Variants in PIK3AP1 observed in about 807,000 individuals in gnomAD.
PIK3AP1 encodes phosphoinositide 3-kinase adapter protein 1.
Under a neutral mutation model 88.1 loss-of-function variants are expected in PIK3AP1, and 21 were observed. The ratio of observed to expected loss-of-function variants is 0.24; its 90% confidence interval spans 0.17 to 0.34. The LOEUF is 0.34. Ranked by LOEUF, PIK3AP1 falls within the 10% of genes least tolerant of loss-of-function variation. PIK3AP1 has a pLI of 1.00. For synonymous variants in PIK3AP1, 398 were observed against 400.0 expected, an observed-to-expected ratio of 1.00 and a Z score of 0.06; for missense variants, 828 against 1,035.7, an observed-to-expected ratio of 0.80 and a Z score of 2.75.
At chr10:96,713,020 T>C (rs1268952086) in intron 1 of PIK3AP1, among the ~76,000 whole-genome samples, 1 of 152,040 alleles carries the variant, frequency 6.6e-6, no homozygotes, top group African/African-American at 2.4e-5. Flanking sequence ...GGCAAAAAAG[T>C]GAAGAAGAGG....
At chr10:96,653,974 C>T (rs1321219301) in intron 3 of PIK3AP1, among the ~76,000 whole-genome samples, 1 of 152,204 alleles carries the variant, frequency 6.6e-6, no homozygotes, top group Non-Finnish European at 1.5e-5. Context: ...ATCAGCATCC[C>T]CCAGAAGCTT....
intron 8 of PIK3AP1, among the ~76,000 whole-genome samples, chr10:96,636,477 C>T (rs1385854270): frequency 1.3e-5 from 2 of 152,086 alleles, no homozygotes; most frequent in Admixed American, 6.5e-5. Flanking sequence ...ACACATAACC[C>T]GGGCATACAG....
At chr10:96,698,779 T>C (rs1315077954) in intron 2 of PIK3AP1, among the ~76,000 whole-genome samples, 4 of 152,064 alleles carry the variant, frequency 2.6e-5, no homozygotes, top group African/African-American at 9.7e-5. Flanking sequence ...AGCAGTGTTA[T>C]ACAACATTCC....
At chr10:96,672,993 C>T (rs754503127) in intron 2 of PIK3AP1, among the ~76,000 whole-genome samples, 19 of 152,170 alleles carry the variant, frequency 1.2e-4, no homozygotes, top group African/African-American at 1.7e-4. Flanking sequence ...ATGAACTGAC[C>T]GGCCCTAGTT....
Position 96,663,824 on chromosome 10 carries a change from A to G in PIK3AP1, c.431-6890T>C, listed in dbSNP as rs140798653. 2.0e-5 allele frequency among the ~76,000 whole-genome samples: 3 copies of G among 152,170 alleles called. No individual in the cohort carries two copies. In the East Asian group the frequency reaches 5.8e-4, roughly 29 times the overall value. On this transcript the variant is annotated intron_variant, in intron 2 of 16. Coordinates refer to ENST00000339364, the MANE Select transcript of PIK3AP1 (RefSeq NM_152309.3). ...ACAAATTACCTCCCCATTCAAACAA[A>G]TATCATTCATTCTCACTAGTCATCA...
chr10:96,612,980 A>ATATG (rs1849148909), intron 13 of PIK3AP1, among the ~76,000 whole-genome samples: 2 of 36,952 alleles, frequency 5.4e-5, no homozygotes, highest in African/African-American at 2.3e-4. Flanking sequence ...ATATATATAT[A>ATATG]TATTTTTTTT....
chr10:96,690,481 C>G (rs1157820071), intron 2 of PIK3AP1, among the ~76,000 whole-genome samples: 1 of 152,036 alleles, frequency 6.6e-6, no homozygotes, highest in East Asian at 1.9e-4. Context: ...CCTGGCTAGT[C>G]TTAGACTCCT....
chr10:96,659,893 T>A (rs965232847), intron 2 of PIK3AP1, among the ~76,000 whole-genome samples: 9 of 152,140 alleles, frequency 5.9e-5, no homozygotes, highest in Admixed American at 5.9e-4. Context: ...TTTAACATTT[T>A]ATTTGGGACA....
At chr10:96,651,141 C>T (rs956416263) in intron 6 of PIK3AP1, 107 bp downstream of exon 6, 4 of 1,431,850 alleles carry the variant, frequency 2.8e-6, no homozygotes, top group Non-Finnish European at 3.9e-6. Context: ...AGAGAAGGGA[C>T]CCAGAAGAGT....
At chr10:96,668,124 A>C (rs1843791504) in intron 2 of PIK3AP1, among the ~76,000 whole-genome samples, 1 of 152,228 alleles carries the variant, frequency 6.6e-6, no homozygotes, top group Non-Finnish European at 1.5e-5. Context: ...ATGGCTGCGC[A>C]ACATTGTGAA....
intron 8 of PIK3AP1, 30 bp from the exon 9 acceptor site, chr10:96,628,523 T>G: frequency 6.4e-7 from 1 of 1,550,776 alleles, no homozygotes. Flanking sequence ...AAGAGTTATA[T>G]ATTGGTCTCC....
intron 2 of PIK3AP1, among the ~76,000 whole-genome samples, chr10:96,668,874 A>G (rs1319907649): frequency 1.3e-5 from 2 of 152,222 alleles, no homozygotes; most frequent in African/African-American, 4.8e-5. Context: ...TCACACCTGT[A>G]ATCCCAGCAC....
At chr10:96,628,265 T>C in intron 9 of PIK3AP1, 133 bp downstream of exon 9, 1 of 812,468 alleles carries the variant, frequency 1.2e-6, no homozygotes, top group Non-Finnish European at 2.1e-6. Flanking sequence ...GCAGAGTGCC[T>C]TTATTCACAT....
intron 8 of PIK3AP1, among the ~76,000 whole-genome samples, chr10:96,629,085 G>A (rs1330070589): frequency 2.0e-5 from 3 of 151,230 alleles, no homozygotes; most frequent in East Asian, 1.9e-4. Context: ...ACAAATTGTG[G>A]TCTATTCAAA....
At chr10:96,658,736 T>A (rs928169116) in intron 2 of PIK3AP1, among the ~76,000 whole-genome samples, 1 of 152,138 alleles carries the variant, frequency 6.6e-6, no homozygotes, top group Non-Finnish European at 1.5e-5. Flanking sequence ...TCCCAAGACA[T>A]GCTACTCCAG....
chr10:96,638,587 G>A (rs1334495474), intron 8 of PIK3AP1, among the ~76,000 whole-genome samples: 2 of 152,180 alleles, frequency 1.3e-5, no homozygotes, highest in Non-Finnish European at 2.9e-5. Context: ...AGGAGAAGCT[G>A]CAAACAAGTT....
Position 96,637,651 on chromosome 10 carries a change from A to C in PIK3AP1, c.1375+7822T>G, listed in dbSNP as rs1436411839. 3.3e-5 allele frequency among the ~76,000 whole-genome samples: 5 copies of C among 152,108 alleles called. No homozygotes were observed. The South Asian group carries it at 6.2e-4, about 19-fold the overall frequency. On this transcript the variant is annotated intron_variant, in intron 8 of 16. Transcript: ENST00000339364. ...AGGCATGAGCCACCATGCGTGGCCT[A>C]TGATGGTCAATTTTGGGTGCCAAAT...
At position 96,677,891 on chromosome 10, in the gene PIK3AP1, G is replaced by C. The variant is rs148933258; in HGVS notation, c.431-20957C>G. Among the ~76,000 whole-genome samples the C allele has an allele frequency of 2.7e-3, 406 of 152,278 alleles. 3 individuals are homozygous for C. The highest frequency in any genetic ancestry group is 0.01 in the Middle Eastern group (3 of 294). On this transcript the variant is annotated intron_variant, in intron 2 of 16. Transcript: ENST00000339364. ...GAGAGTTTTTGCAAAGGTCTTGCCA[G>C]AATGATGAATTAGAATAGAGAAATT...
At chr10:96,619,323 C>T (rs1181018548) in intron 12 of PIK3AP1, 2 of 152,254 alleles carry the variant, frequency 1.3e-5, no homozygotes, top group African/African-American at 4.8e-5. Context: ...CCCGCCTTGA[C>T]AGCTGGTATG....
Sources: allele counts gnomAD v4.1 joint callset (sites outside exome capture counted in the v4.1 genomes callset), GRCh38; gene constraint gnomAD v4.1.1; transcripts MANE v1.5; gene names NCBI Gene and HGNC (gene_info 2026-07-23, HGNC 2026-07-21).